HSPG2: variants seen among roughly 807,000 people sequenced by gnomAD.
HSPG2 encodes the protein basement membrane-specific heparan sulfate proteoglycan core protein.
Under a neutral mutation model 526.6 loss-of-function variants are expected in HSPG2, and 278 were observed. The observed-to-expected ratio is 0.53, with a 90% CI of 0.48 to 0.58. HSPG2 has a LOEUF of 0.58. Ranked by LOEUF, HSPG2 falls within the 20% of genes least tolerant of loss-of-function variation. The probability of loss-of-function intolerance (pLI) is 0.00; values close to 1 mark genes in which losing one functional copy is unlikely to be tolerated. For missense variants in HSPG2, 5,354 were observed against 6,099.5 expected (o/e 0.88, Z 4.07); for synonymous variants, 2,465 against 2,555.4 (o/e 0.96, Z 1.07).
chr1:21,880,591 C>T (rs770048558), intron 15 of HSPG2, 32 bp from the exon 16 acceptor site: 12 of 1,609,356 alleles, frequency 7.5e-6, no homozygotes, highest in South Asian at 6.6e-5. Flanking sequence ...AGGGGTCACA[C>T]ATCAGTGCCT....
Position 21,846,253 on chromosome 1 carries a change from G to T in HSPG2, c.8319C>A (p.Thr2773=), listed in dbSNP as rs746527371. The T allele has an allele frequency of 1.5e-5, 25 of 1,612,980 alleles. No homozygotes were observed. The highest frequency in any genetic ancestry group is 2.0e-5 in the Non-Finnish European group (24 of 1,179,994). Reference sequence around the variant, plus strand: ...GGTGCAGCCGCAGCCGTGAGCCGCGGGTCTGAATAGGGGACAGGACAGAGG... The same window carrying T: ...GGTGCAGCCGCAGCCGTGAGCCGCGTGTCTGAATAGGGGACAGGACAGAGG... ...RGGSLPSHHQ[T]RGSRLRLHHV... is the part of the protein sequence containing the mutation. The change falls in exon 64 of 97, where the codon ACC becomes ACA. Residue 2773 remains threonine (T), a splice_region_variant and synonymous_variant. Transcript: ENST00000374695.
intron 1 of HSPG2, 59 bp from the exon 2 acceptor site, chr1:21,896,369 T>C: frequency 6.3e-7 from 1 of 1,597,422 alleles, no homozygotes; most frequent in Non-Finnish European, 8.5e-7. Flanking sequence ...AGCCCCACGG[T>C]CCTTCCCCTC....
At chr1:21,912,399 T>A (rs1471418375) in intron 1 of HSPG2, among the ~76,000 whole-genome samples, 1 of 152,008 alleles carries the variant, frequency 6.6e-6, no homozygotes. Flanking sequence ...GTGAGTGAGC[T>A]CTCCAAAGAC....
In HSPG2 at chr1:21,860,188, C is replaced by A; in HGVS notation, c.5003G>T (p.Cys1668Phe). The change falls in exon 40 of 97, where the codon TGC becomes TTC. Residue 1668 changes from cysteine (C) to phenylalanine (F), a missense_variant. Coordinates refer to ENST00000374695, the MANE Select transcript of HSPG2 (RefSeq NM_005529.7). ...VGNPSVQGGQ[C>F]LPETNQAPLV... is the part of the protein sequence containing the mutation. ...ATGGTCCCACTTACTCTCTGGCAGG[C>A]ACTGGCCCCCTTGCACACTGGGGTT... 1 of 1,613,890 alleles carries A rather than the reference C, an allele frequency of 6.2e-7. No individual in the cohort carries two copies. Among genetic ancestry groups the A allele is most frequent in the Non-Finnish European group, 8.5e-7 (1 of 1,179,964 alleles).
At chr1:21,870,947 G>C (rs1640597117) in intron 33 of HSPG2, 7 of 906,168 alleles carry the variant, frequency 7.7e-6, no homozygotes, top group Non-Finnish European at 9.2e-6. Context: ...CAGCAGGGAG[G>C]CCAGGAGATA....
chr1:21,885,041 T>C lies in HSPG2; in HGVS notation c.1327A>G (p.Asn443Asp), dbSNP rs1427617018. Reference sequence around the variant, plus strand: ...GGATGAGAGGGGATGTGGCCCCAGTTGAGCCTCCAATTGATGATGGGGGTG... The same window carrying C: ...GGATGAGAGGGGATGTGGCCCCAGTCGAGCCTCCAATTGATGATGGGGGTG... ...VPTPIINWRL[N>D]WGHIPSHPRV... The change falls in exon 11 of 97, where the codon AAC becomes GAC. Residue 443 changes from asparagine (N) to aspartate (D), a missense_variant. Transcript: ENST00000374695. The C allele has an allele frequency of 6.2e-7, 1 of 1,613,862 alleles. No individual in the cohort carries two copies. The highest frequency in any genetic ancestry group is 1.7e-5 in the Admixed American group (1 of 60,012).
intron 17 of HSPG2, 61 bp from the exon 18 acceptor site, chr1:21,879,182 G>A: frequency 1.2e-6 from 2 of 1,606,486 alleles, no homozygotes; most frequent in Non-Finnish European, 8.5e-7. Flanking sequence ...GATGCTGCGG[G>A]GGACCTTGGA....
chr1:21,932,300 G>A (rs1260190804), intron 1 of HSPG2, among the ~76,000 whole-genome samples: 2 of 152,210 alleles, frequency 1.3e-5, no homozygotes, highest in East Asian at 3.9e-4. Flanking sequence ...GTGATTAGGA[G>A]AGCTTCGTCT....
In HSPG2 at chr1:21,842,936, G is replaced by T; in HGVS notation, c.8759-15C>A. The T allele has an allele frequency of 6.2e-7, 1 of 1,613,978 alleles. No homozygotes were observed. The highest frequency in any genetic ancestry group is 8.5e-7 in the Non-Finnish European group (1 of 1,179,944). ...CAGTCCTGGAGCTGTGGGCACAGGG[G>T]GTGGGTGAGAGAGGCCAGGCTCCGG... On this transcript the variant is annotated splice_polypyrimidine_tract_variant and intron_variant, in intron 66 of 96. Coordinates refer to ENST00000374695, the MANE Select transcript of HSPG2 (RefSeq NM_005529.7).
chr1:21,874,140 G>A, intron 28 of HSPG2, 129 bp from the exon 29 acceptor site: 1 of 845,998 alleles, frequency 1.2e-6, no homozygotes, highest in East Asian at 2.7e-5. Flanking sequence ...CAGTGCCACT[G>A]CATGCCTGGC....
Position 21,828,147 on chromosome 1 carries a change from G to T in HSPG2, c.12415C>A (p.Leu4139Met). 1 of 1,613,008 alleles carries T rather than the reference G, an allele frequency of 6.2e-7. No individual in the cohort carries two copies. Among genetic ancestry groups the T allele is most frequent in the African/African-American group, 1.3e-5 (1 of 75,010 alleles). Residue 4139 changes from leucine to methionine, a missense_variant, in exon 90 of 97, where the codon CTG becomes ATG. By Grantham distance (15) the Leu-to-Met change is conservative. Transcript: ENST00000374695. This position sits in a 1 kb window ranked among gnomAD's most constrained non-coding sequence, Gnocchi z 6.0. ...CLCRDGFKGD[L>M]CEHEENPCQL... ...CAGGGGTTCTCCTCGTGCTCACACA[G>T]GTCTCCTGTGGGCCAGGGCAGAGGC...
rs768354388 is a variant in HSPG2, at chr1:21,842,809, C to T, written c.8871G>A (p.Thr2957=). 32 of 1,613,754 alleles carry T rather than the reference C, an allele frequency of 2.0e-5. No homozygotes were observed. The highest frequency in any genetic ancestry group is 2.0e-4 in the South Asian group (18 of 91,084). The stretch of plus-strand genomic sequence containing the variant: ...GGAGGCTGCCCCCGCGCTTGTACCA[C>T]GTGACCTGGGCATGGGCCTGCCCGG... ...VVPGQAHAQV[T]WYKRGGSLPA... Residue 2957 remains threonine (T), a synonymous_variant, in exon 67 of 97, where the codon ACG becomes ACA. Coordinates refer to ENST00000374695, the MANE Select transcript of HSPG2 (RefSeq NM_005529.7).
In HSPG2 at chr1:21,828,396, T is replaced by G. The variant is rs768058441; in HGVS notation, c.12268A>C (p.Thr4090Pro). Reference protein sequence around the residue: ...VSVNGKRLDLTYSFLGSQGIG... With the variant: ...VSVNGKRLDLPYSFLGSQGIG... ...CCCTGGCTGCCTAGGAAACTGTAGGTGAGGTCCAGCCGTTTGCCATTCACT... is the reference window on the plus strand; with the variant it reads ...CCCTGGCTGCCTAGGAAACTGTAGGGGAGGTCCAGCCGTTTGCCATTCACT... The change falls in exon 89 of 97, where the codon ACC becomes CCC. Residue 4090 changes from threonine to proline, a missense_variant. Thr to Pro is a conservative substitution (Grantham distance 38, BLOSUM62 -1). Coordinates refer to ENST00000374695, the MANE Select transcript of HSPG2 (RefSeq NM_005529.7). The surrounding 1 kb of genome is among the most constrained non-coding windows in gnomAD (Gnocchi z 6.0). 6 of 1,613,524 alleles carry G rather than the reference T, an allele frequency of 3.7e-6. No homozygotes were observed. The South Asian group carries it at 5.5e-5, about 15-fold the overall frequency.
chr1:21,853,755 AT>A (rs879836398), intron 50 of HSPG2: 19,083 of 143,158 alleles, frequency 0.13, 1,459 homozygotes, highest in South Asian at 0.23. Context: ...TCTCAAAAAA[AT>A]AAAATAAAAT....
rs758193629 is a variant in HSPG2, at chr1:21,874,733, G to A, written c.3415-4C>T. On this transcript the variant is annotated splice_region_variant and splice_polypyrimidine_tract_variant and intron_variant, in intron 26 of 96. Coordinates refer to ENST00000374695, the MANE Select transcript of HSPG2 (RefSeq NM_005529.7). Reference sequence around the variant, plus strand: ...GTGTGTAGCCTGTGTCACAGTCCTGGGGGCAGAAAGATGGCAGTGGGAGGG... The same window carrying A: ...GTGTGTAGCCTGTGTCACAGTCCTGAGGGCAGAAAGATGGCAGTGGGAGGG... The A allele has an allele frequency of 9.4e-6, 15 of 1,594,902 alleles. No individual in the cohort carries two copies. The African/African-American group carries it at 1.2e-4, about 13-fold the overall frequency.
chr1:21,931,350 T>A (rs1328023646), intron 1 of HSPG2, among the ~76,000 whole-genome samples: 1 of 152,208 alleles, frequency 6.6e-6, no homozygotes, highest in Non-Finnish European at 1.5e-5. Context: ...CTGGGGCAGC[T>A]GGCCCCGGGA....
At position 21,872,984 on chromosome 1, in the gene HSPG2, G is replaced by T; in HGVS notation, c.3888+13C>A. ...GCAGAGCAGGCCCCGCAGGGACAGGGATTCGGACTGACCTTGCACTGGCAC... is the reference window on the plus strand; with the variant it reads ...GCAGAGCAGGCCCCGCAGGGACAGGTATTCGGACTGACCTTGCACTGGCAC... On this transcript the variant is annotated intron_variant, in intron 31 of 96. Transcript: ENST00000374695. The surrounding 1 kb of genome is among the most constrained non-coding windows in gnomAD (Gnocchi z 5.5). 2 of 1,608,596 alleles carry T rather than the reference G, an allele frequency of 1.2e-6. No individual in the cohort carries two copies. Among genetic ancestry groups the T allele is most frequent in the East Asian group, 2.2e-5 (1 of 44,868 alleles).
chr1:21,834,954 G>A lies in HSPG2; in HGVS notation c.10454-9C>T, dbSNP rs369093807. The A allele has an allele frequency of 2.5e-5, 41 of 1,609,690 alleles. No individual in the cohort carries two copies. Among genetic ancestry groups the A allele is most frequent in the Non-Finnish European group, 3.1e-5 (37 of 1,180,020 alleles). On this transcript the variant is annotated splice_polypyrimidine_tract_variant and intron_variant, in intron 76 of 96. Coordinates refer to ENST00000374695, the MANE Select transcript of HSPG2 (RefSeq NM_005529.7). Reference sequence around the variant, plus strand: ...GAGCACCGAGGGCAGGGCTGGGGAGGAGGGAGGCAGAGGTCCAGTGAGATC... The same window carrying A: ...GAGCACCGAGGGCAGGGCTGGGGAGAAGGGAGGCAGAGGTCCAGTGAGATC...
rs1642312420 is a variant in HSPG2, at chr1:21,890,922, G to A, written c.245-228C>T. 6.6e-6 allele frequency among the ~76,000 whole-genome samples: 1 copy of A among 152,242 alleles called. No homozygotes were observed. Among genetic ancestry groups the A allele is most frequent in the Non-Finnish European group, 1.5e-5 (1 of 68,038 alleles). On this transcript the variant is annotated intron_variant, in intron 3 of 96. Coordinates refer to ENST00000374695, the MANE Select transcript of HSPG2 (RefSeq NM_005529.7). This position sits in a 1 kb window ranked among gnomAD's most constrained non-coding sequence, Gnocchi z 4.1. The stretch of plus-strand genomic sequence containing the variant: ...GGGGCTTTAACTAACAGGGGAAATG[G>A]CCTGATCCAGAAACCAAGTGCTAGT...
Sources: allele counts gnomAD v4.1 joint callset (sites outside exome capture counted in the v4.1 genomes callset), GRCh38; gene constraint gnomAD v4.1.1; non-coding constraint Gnocchi (gnomAD v3.1); transcripts MANE v1.5; gene names NCBI Gene and HGNC (gene_info 2026-07-23, HGNC 2026-07-21).